EFR3B: variants seen among roughly 807,000 people sequenced by gnomAD.
EFR3B encodes protein EFR3 homolog B.
Under a neutral mutation model 104.7 loss-of-function variants are expected in EFR3B, and 64 were observed. That is an observed-to-expected ratio of 0.61 (90% CI 0.50 to 0.75). The LOEUF is 0.75. EFR3B is among the 30% of genes least tolerant of loss of function. The probability of loss-of-function intolerance (pLI) is 0.00; values close to 1 mark genes in which losing one functional copy is unlikely to be tolerated. For synonymous variants in EFR3B, 385 were observed against 417.9 expected, an observed-to-expected ratio of 0.92 and a Z score of 0.96; for missense variants, 750 against 1,078.5, an observed-to-expected ratio of 0.70 and a Z score of 4.27.
intron 6 of EFR3B, 36 bp downstream of exon 6, chr2:25,128,368 A>T: frequency 6.4e-7 from 1 of 1,550,610 alleles, no homozygotes; most frequent in Non-Finnish European, 8.7e-7. Context: ...CAGTAGATAT[A>T]ATCAACCCTC....
Position 25,121,292 on chromosome 2 carries a change from C to T in EFR3B, c.364-381C>T, listed in dbSNP as rs575610168. Among the ~76,000 whole-genome samples, 177 of 152,214 alleles carry T rather than the reference C, an allele frequency of 1.2e-3. 2 individuals carry two copies. Among genetic ancestry groups the T allele is most frequent in the Non-Finnish European group, 2.2e-3 (152 of 68,048 alleles). On this transcript the variant is annotated intron_variant, in intron 4 of 22. Coordinates refer to ENST00000403714, the MANE Select transcript of EFR3B (RefSeq NM_014971.2). Reference sequence around the variant, plus strand: ...GTCCTCGAATTCATTGAGGGTGGTGCTCCTGCTTCGTCGCTGGCTTTCACT... The same window carrying T: ...GTCCTCGAATTCATTGAGGGTGGTGTTCCTGCTTCGTCGCTGGCTTTCACT...
intron 1 of EFR3B, among the ~76,000 whole-genome samples, chr2:25,062,985 G>A (rs542628439): frequency 8.8e-4 from 133 of 151,856 alleles, no homozygotes; most frequent in African/African-American, 3.0e-3. Flanking sequence ...GTGTAGTGGC[G>A]CGACCTCGGC....
At chr2:25,103,543 T>C (rs1573204719) in intron 3 of EFR3B, 94 bp from the exon 4 acceptor site, 1 of 1,461,496 alleles carries the variant, frequency 6.8e-7, no homozygotes, top group African/African-American at 1.4e-5. Context: ...GGATGCTGCA[T>C]TGCCCAGGTC....
chr2:25,082,753 C>T (rs1460249483), intron 1 of EFR3B, among the ~76,000 whole-genome samples: 1 of 152,190 alleles, frequency 6.6e-6, no homozygotes, highest in Admixed American at 6.5e-5. Context: ...ACAAAGGTCT[C>T]ACTCTTGAGG....
At chr2:25,153,861 C>T (rs1012227184) in intron 22 of EFR3B, 100 bp downstream of exon 22, 1 of 1,207,188 alleles carries the variant, frequency 8.3e-7, no homozygotes, top group African/African-American at 1.5e-5. Flanking sequence ...TCTCTCCTCC[C>T]CACCTCCTTC....
intron 20 of EFR3B, 117 bp downstream of exon 20, chr2:25,149,859 G>T (rs1434508093): frequency 1.1e-6 from 1 of 912,916 alleles, no homozygotes; most frequent in Non-Finnish European, 1.8e-6. Context: ...GCACCTGCGT[G>T]AAGGGAGAGG....
In EFR3B at chr2:25,136,439, G is replaced by C. The variant is rs1402294127; in HGVS notation, c.1485-84G>C. On this transcript the variant is annotated intron_variant, in intron 13 of 22. Transcript: ENST00000403714. The surrounding 1 kb of genome is among the most constrained non-coding windows in gnomAD (Gnocchi z 4.0). Reference sequence around the variant, plus strand: ...TGGAGGCTTTGTACCAACTAACAATGTTGGGGATAAAGCTCAGTGACCCCG... The same window carrying C: ...TGGAGGCTTTGTACCAACTAACAATCTTGGGGATAAAGCTCAGTGACCCCG... The C allele has an allele frequency of 1.8e-6, 2 of 1,129,052 alleles. No individual in the cohort carries two copies. Among genetic ancestry groups the C allele is most frequent in the South Asian group, 2.7e-5 (2 of 72,828 alleles). 69.9% of individuals were successfully genotyped at this position (1,129,052 alleles called of 1,614,324 possible). A position where few individuals can be genotyped will look rare whatever the true frequency, so the allele number is the denominator to read the frequency against.
chr2:25,151,868 C>A lies in EFR3B; in HGVS notation c.2192-46C>A, dbSNP rs1343220006. The stretch of plus-strand genomic sequence containing the variant: ...CTCCCTGGAGGAGTCCCTCCCTTCA[C>A]CTCAGTGAGCAGGGCCTGGCACTAA... On this transcript the variant is annotated intron_variant, in intron 20 of 22. Coordinates refer to ENST00000403714, the MANE Select transcript of EFR3B (RefSeq NM_014971.2). 1.9e-6 allele frequency: 3 copies of A among 1,544,428 alleles called. No individual in the cohort carries two copies. In the South Asian group the frequency reaches 3.6e-5, roughly 18 times the overall value.
At chr2:25,053,880 C>T (rs769413460) in intron 1 of EFR3B, among the ~76,000 whole-genome samples, 2 of 152,324 alleles carry the variant, frequency 1.3e-5, no homozygotes, top group Middle Eastern at 3.4e-3. Flanking sequence ...GCATTCCAGC[C>T]TGGGCGACAG....
intron 18 of EFR3B, among the ~76,000 whole-genome samples, 164 bp downstream of exon 18, chr2:25,144,026 T>G (rs1439393338): frequency 6.6e-6 from 1 of 152,194 alleles, no homozygotes; most frequent in East Asian, 1.9e-4. Flanking sequence ...TCCTCTTGAT[T>G]GCCCCACCTC....
chr2:25,137,594 C>G lies in EFR3B; in HGVS notation c.1722+92C>G. ...TGATAAGAGTATTGACTAGCAACTG[C>G]TTAACACTGTTTTGGAGCCCAGGAA... On this transcript the variant is annotated intron_variant, in intron 15 of 22. Coordinates refer to ENST00000403714, the MANE Select transcript of EFR3B (RefSeq NM_014971.2). The surrounding 1 kb of genome is among the most constrained non-coding windows in gnomAD (Gnocchi z 4.7). The G allele has an allele frequency of 2.0e-6, 3 of 1,499,904 alleles. No homozygotes were observed. The highest frequency in any genetic ancestry group is 2.7e-6 in the Non-Finnish European group (3 of 1,112,098). The allele number at this position is 1,499,904 out of a possible 1,614,324, so 92.9% of individuals were successfully genotyped here.
At chr2:25,076,465 A>G (rs943859356) in intron 1 of EFR3B, among the ~76,000 whole-genome samples, 3 of 152,112 alleles carry the variant, frequency 2.0e-5, no homozygotes, top group Non-Finnish European at 2.9e-5. Context: ...CCACAACCCT[A>G]TTAAGTAGAT....
At chr2:25,110,550 G>A (rs539158858) in intron 4 of EFR3B, among the ~76,000 whole-genome samples, 1 of 151,924 alleles carries the variant, frequency 6.6e-6, no homozygotes, top group African/African-American at 2.4e-5. Context: ...AGGGTTCCCA[G>A]CCCCTCCGGA....
chr2:25,104,058 C>T (rs1669498867), intron 4 of EFR3B, among the ~76,000 whole-genome samples: 1 of 151,312 alleles, frequency 6.6e-6, no homozygotes, highest in African/African-American at 2.4e-5. Flanking sequence ...CATTTTAAAC[C>T]CCGTGGTGGC....
rs1667600076 is a variant in EFR3B at position 25,042,505 on chromosome 2, C to T, written c.7+186C>T. 8.3e-7 allele frequency: 1 copy of T among 1,207,514 alleles called. No individual in the cohort carries two copies. The highest frequency in any genetic ancestry group is 1.0e-6 in the Non-Finnish European group (1 of 972,548). 74.8% of individuals were successfully genotyped at this position (1,207,514 alleles called of 1,614,324 possible). On this transcript the variant is annotated intron_variant, in intron 1 of 22. Transcript: ENST00000403714. The surrounding 1 kb of genome is among the most constrained non-coding windows in gnomAD (Gnocchi z 5.4). ...CTGCGAGGACAAAGATGCCTCGGGC[C>T]GGGGACCCTGGGGTCCTCTCCAGGC...
intron 1 of EFR3B, among the ~76,000 whole-genome samples, chr2:25,055,606 T>G (rs903945667): frequency 2.4e-4 from 37 of 152,198 alleles, no homozygotes; most frequent in African/African-American, 8.7e-4. Flanking sequence ...TCTTTCCATA[T>G]CCCCACTTTC....
Position 25,131,666 on chromosome 2 carries a change from G to A in EFR3B, c.986-84G>A. The A allele has an allele frequency of 1.0e-5, 15 of 1,484,754 alleles. No individual in the cohort carries two copies. Among genetic ancestry groups the A allele is most frequent in the Non-Finnish European group, 1.3e-5 (14 of 1,111,682 alleles). The allele number at this position is 1,484,754 out of a possible 1,614,324, so 92.0% of individuals were successfully genotyped here. On this transcript the variant is annotated intron_variant, in intron 9 of 22. Transcript: ENST00000403714. This position sits in a 1 kb window ranked among gnomAD's most constrained non-coding sequence, Gnocchi z 7.6. Reference sequence around the variant, plus strand: ...GAGGAAGCCCAGGCTGGAAGGGGGCGTGACCCTGCCCTGCCTGCGCGCGGT... The same window carrying A: ...GAGGAAGCCCAGGCTGGAAGGGGGCATGACCCTGCCCTGCCTGCGCGCGGT...
intron 21 of EFR3B, among the ~76,000 whole-genome samples, chr2:25,152,928 A>C (rs1671055233): frequency 1.3e-5 from 2 of 152,110 alleles, no homozygotes; most frequent in Non-Finnish European, 1.5e-5. Flanking sequence ...GTTATGAGCT[A>C]GGAATCAGGG....
intron 16 of EFR3B, among the ~76,000 whole-genome samples, chr2:25,140,536 T>A (rs1040873278): frequency 2.0e-5 from 3 of 152,100 alleles, no homozygotes; most frequent in Non-Finnish European, 2.9e-5. Context: ...CTTTACCTCC[T>A]CACCCTCGAC....
Sources: gnomAD v4.1 joint callset for allele counts (sites outside exome capture counted in the v4.1 genomes callset) on GRCh38, gnomAD v4.1.1 for gene constraint, Gnocchi (gnomAD v3.1) non-coding constraint, MANE v1.5 for transcripts, NCBI Gene and HGNC (gene_info 2026-07-23, HGNC 2026-07-21) for gene names.